ZNF653: variants seen among roughly 807,000 people sequenced by gnomAD.
The protein encoded by ZNF653 is zinc finger protein 653, also known as 67 kDa zinc finger protein.
A neutral mutation model predicts 59.9 loss-of-function variants in ZNF653; 37 were observed. The ratio of observed to expected loss-of-function variants is 0.62; its 90% CI spans 0.48 to 0.81. ZNF653 has a LOEUF of 0.81. ZNF653 is among the 40% of genes least tolerant of loss of function. The pLI, the probability that ZNF653 is intolerant of heterozygous loss-of-function variation, is 0.00. For synonymous variants in ZNF653, 435 were observed against 371.8 expected, an observed-to-expected ratio of 1.17 and a Z score of -1.96; for missense variants, 808 against 881.1, an observed-to-expected ratio of 0.92 and a Z score of 1.05.
At chr19:11,505,211 T>G in intron 1 of ZNF653, 24 of 378,992 alleles carry the variant, frequency 6.3e-5, no homozygotes, top group East Asian at 1.9e-4. Context: ...AGTCCCAGGA[T>G]TGGGCCGCCA....
At position 11,487,842 on chromosome 19, in the gene ZNF653, A is replaced by G. The variant is rs117673751; in HGVS notation, c.621T>C (p.Ser207=). The part of the protein sequence containing the change: ...DSSSSGSASD[S]EESPEGQPVK... ...CCGGCTGGCCCTCAGGAGACTCCTCAGAGTCAGAGGCAGAGCCAGAGCTGG... is the reference window on the plus strand; with the variant it reads ...CCGGCTGGCCCTCAGGAGACTCCTCGGAGTCAGAGGCAGAGCCAGAGCTGG... Residue 207 remains serine, a synonymous_variant, in exon 4 of 9, where the codon TCT becomes TCC. Coordinates refer to ENST00000293771, the MANE Select transcript of ZNF653 (RefSeq NM_138783.4). This position sits in a 1 kb window ranked among gnomAD's most constrained non-coding sequence, Gnocchi z 5.1. 58,136 of 1,611,064 alleles carry G rather than the reference A, an allele frequency of 0.036. 1,236 individuals carry two copies. The highest frequency in any genetic ancestry group is 0.04 in the Non-Finnish European group (47,059 of 1,178,648).
chr19:11,484,617 G>T (rs1366337695), intron 7 of ZNF653, among the ~76,000 whole-genome samples: 1 of 151,840 alleles, frequency 6.6e-6, no homozygotes, highest in African/African-American at 2.4e-5. Context: ...CTCTATGTTG[G>T]TCAGGCTGGT....
chr19:11,499,295 T>C (rs1226373647), intron 1 of ZNF653, among the ~76,000 whole-genome samples: 1 of 152,220 alleles, frequency 6.6e-6, no homozygotes, highest in Non-Finnish European at 1.5e-5. Flanking sequence ...ACACATGCCC[T>C]GTGTGATCCT....
chr19:11,485,068 A>C (rs1234307530), intron 7 of ZNF653, among the ~76,000 whole-genome samples: 1 of 149,884 alleles, frequency 6.7e-6, no homozygotes, highest in East Asian at 2.0e-4. Context: ...CACATTAAAA[A>C]AAACCAAAAA....
intron 3 of ZNF653, among the ~76,000 whole-genome samples, chr19:11,492,684 G>A (rs373407733): frequency 6.6e-6 from 1 of 152,018 alleles, no homozygotes; most frequent in Non-Finnish European, 1.5e-5. Context: ...CTTACAATCC[G>A]CTTCCCCTCT....
intron 1 of ZNF653, 118 bp from the exon 2 acceptor site, chr19:11,498,457 T>G: frequency 7.6e-7 from 1 of 1,308,508 alleles, no homozygotes; most frequent in Non-Finnish European, 1.1e-6. Context: ...AAATCTGAAC[T>G]TTTTGAGATG....
chr19:11,495,875 T>C lies in ZNF653; in HGVS notation c.559+75A>G, dbSNP rs958522781. ...GCCACTGTGGCTGCTATTCTGTTTG[T>C]GATGCTAGCCTAGGGCTCGTAAGAA... On this transcript the variant is annotated intron_variant, in intron 3 of 8. Coordinates refer to ENST00000293771, the MANE Select transcript of ZNF653 (RefSeq NM_138783.4). This position sits in a 1 kb window ranked among gnomAD's most constrained non-coding sequence, Gnocchi z 4.9. 1 of 1,444,486 alleles carries C rather than the reference T, an allele frequency of 6.9e-7. No individual in the cohort carries two copies. Among genetic ancestry groups the C allele is most frequent in the African/African-American group, 1.4e-5 (1 of 71,348 alleles). 89.5% of individuals were successfully genotyped at this position (1,444,486 alleles called of 1,614,324 possible). A position where few individuals can be genotyped will look rare whatever the true frequency, so the allele number is the denominator to read the frequency against.
At chr19:11,496,271 C>T (rs1971587633) in intron 2 of ZNF653, 106 bp from the exon 3 acceptor site, 1 of 1,105,726 alleles carries the variant, frequency 9.0e-7, no homozygotes, top group African/African-American at 1.5e-5. Flanking sequence ...GTTTGGAGGC[C>T]CTCCTGAGTA....
chr19:11,496,053 C>G lies in ZNF653; in HGVS notation c.456G>C (p.Leu152=). Residue 152 remains leucine (L), a synonymous_variant, in exon 3 of 9, where the codon CTG becomes CTC. Transcript: ENST00000293771. ...HLAELDPTFG[L]YTTAVWQCEA... ...CGCACTGCCACACGGCCGTGGTGTACAGGCCAAAAGTGGGGTCTAGCTCCG... is the reference window on the plus strand; with the variant it reads ...CGCACTGCCACACGGCCGTGGTGTAGAGGCCAAAAGTGGGGTCTAGCTCCG... The G allele has an allele frequency of 6.2e-7, 1 of 1,614,170 alleles. No individual in the cohort carries two copies. The highest frequency in any genetic ancestry group is 1.1e-5 in the South Asian group (1 of 91,082).
chr19:11,496,236 C>G (rs1451815698), intron 2 of ZNF653, 71 bp from the exon 3 acceptor site: 1 of 1,495,962 alleles, frequency 6.7e-7, no homozygotes, highest in Non-Finnish European at 9.1e-7. Flanking sequence ...CTGCCTGAAC[C>G]ACCGGGGCTT....
chr19:11,491,816 AT>A (rs963878074), intron 3 of ZNF653, among the ~76,000 whole-genome samples: 14 of 152,002 alleles, frequency 9.2e-5, no homozygotes, highest in Admixed American at 9.2e-4. Context: ...TGACCTCATG[AT>A]CCGCCCACCT....
In ZNF653 at chr19:11,505,432, C is replaced by T. The variant is rs1033025170; in HGVS notation, c.299+56G>A. ...AGAAGCGGAGGGGGCGGGGTAAAGC[C>T]CGGCGGGGTCTGGGGGCGTCTCCTC... On this transcript the variant is annotated intron_variant, in intron 1 of 8. Transcript: ENST00000293771. 5 of 1,373,852 alleles carry T rather than the reference C, an allele frequency of 3.6e-6. No individual in the cohort carries two copies. In the African/African-American group the frequency reaches 7.7e-5, roughly 21 times the overall value. The allele number at this position is 1,373,852 out of a possible 1,614,324, so 85.1% of individuals were successfully genotyped here.
chr19:11,505,819 G>C lies in ZNF653; in HGVS notation c.-33C>G, dbSNP rs1481349874. On this transcript the variant is annotated 5_prime_UTR_variant, in exon 1 of 9. Transcript: ENST00000293771. ...ACCCTGGTTACCAGCCTCCCCCGTT[G>C]TTAGGAGCCAGACCGGAAGTGGCGC... The C allele has an allele frequency of 7.5e-7, 1 of 1,336,828 alleles. No individual in the cohort carries two copies. The highest frequency in any genetic ancestry group is 9.6e-7 in the Non-Finnish European group (1 of 1,039,734). The allele number at this position is 1,336,828 out of a possible 1,614,324, so 82.8% of individuals were successfully genotyped here.
intron 1 of ZNF653, among the ~76,000 whole-genome samples, chr19:11,503,735 G>T (rs1971671251): frequency 6.6e-6 from 1 of 152,164 alleles, no homozygotes; most frequent in Non-Finnish European, 1.5e-5. Context: ...GAGCCTGGGA[G>T]GTTGAGGCTG....
At chr19:11,484,927 G>A (rs1971449294) in intron 7 of ZNF653, among the ~76,000 whole-genome samples, 1 of 151,390 alleles carries the variant, frequency 6.6e-6, no homozygotes, top group Admixed American at 6.6e-5. Flanking sequence ...GTGAGCGCCT[G>A]TAATCCCAGA....
chr19:11,492,810 G>A (rs1178979714), intron 3 of ZNF653, among the ~76,000 whole-genome samples: 1 of 152,186 alleles, frequency 6.6e-6, no homozygotes, highest in East Asian at 1.9e-4. Flanking sequence ...CTGCTCCCTA[G>A]TCTTGGCTCA....
Position 11,486,024 on chromosome 19 carries a change from A to G in ZNF653, c.1456-254T>C, listed in dbSNP as rs138753325. On this transcript the variant is annotated intron_variant, in intron 6 of 8. Coordinates refer to ENST00000293771, the MANE Select transcript of ZNF653 (RefSeq NM_138783.4). ...GAGTGCAGTGGTGTTCTCTCAGCTCACTGCAAGCTCCACCCCCCCGGGTTC... is the reference window on the plus strand; with the variant it reads ...GAGTGCAGTGGTGTTCTCTCAGCTCGCTGCAAGCTCCACCCCCCCGGGTTC... Among the ~76,000 whole-genome samples, 1,517 of 152,008 alleles carry G rather than the reference A, an allele frequency of 1.0e-2. 27 individuals are homozygous for G. The highest frequency in any genetic ancestry group is 0.035 in the African/African-American group (1,456 of 41,406).
At position 11,483,553 on chromosome 19, in the gene ZNF653, T is replaced by G; in HGVS notation, c.*129A>C. 7.0e-7 allele frequency: 1 copy of G among 1,423,742 alleles called. No individual in the cohort carries two copies. The highest frequency in any genetic ancestry group is 9.2e-7 in the Non-Finnish European group (1 of 1,086,708). 88.2% of individuals were successfully genotyped at this position (1,423,742 alleles called of 1,614,324 possible). ...GGAACCTGCCCAGGGGGCCCAGCTC[T>G]GGGGCGGGGCGGGGGCGCCTCCTTC... is the stretch of plus-strand genomic sequence containing the variant. On this transcript the variant is annotated 3_prime_UTR_variant, in exon 9 of 9. Coordinates refer to ENST00000293771, the MANE Select transcript of ZNF653 (RefSeq NM_138783.4).
In ZNF653 at chr19:11,487,412, C is replaced by T. The variant is rs374399742; in HGVS notation, c.1051G>A (p.Gly351Ser). The stretch of plus-strand genomic sequence containing the variant: ...ATCATGGCACAGGGCACCTCCTCGC[C>T]CAGTCCACTGCCGGGGACACCGCTG... Reference protein sequence around the residue: ...AGSGVPGSGLGEEVPCAMMEG... With the variant: ...AGSGVPGSGLSEEVPCAMMEG... Residue 351 changes from glycine to serine, a missense_variant, in exon 4 of 9, where the codon GGC (glycine) becomes AGC (serine). Physicochemically the swap from Gly to Ser is moderately conservative, Grantham distance 56. Coordinates refer to ENST00000293771, the MANE Select transcript of ZNF653 (RefSeq NM_138783.4). The surrounding 1 kb of genome is among the most constrained non-coding windows in gnomAD (Gnocchi z 5.1). 6.2e-7 allele frequency: 1 copy of T among 1,612,126 alleles called. No individual in the cohort carries two copies. The highest frequency in any genetic ancestry group is 1.3e-5 in the African/African-American group (1 of 74,944).
Sources: allele counts gnomAD v4.1 joint callset (sites outside exome capture counted in the v4.1 genomes callset), GRCh38; gene constraint gnomAD v4.1.1; non-coding constraint Gnocchi (gnomAD v3.1); transcripts MANE v1.5; gene names NCBI Gene and HGNC (gene_info 2026-07-23, HGNC 2026-07-21).